NPAS3: variants seen among roughly 807,000 people sequenced by gnomAD.
NPAS3 encodes neuronal PAS domain protein 3, also known as neuronal PAS domain-containing protein 3.
In NPAS3, 14 loss-of-function variants were observed where a neutral mutation model predicts 73.1. The ratio of observed to expected loss-of-function variants is 0.19; its 90% CI spans 0.13 to 0.30. NPAS3 has a LOEUF of 0.30. Ranked by LOEUF, NPAS3 falls within the 10% of genes least tolerant of loss-of-function variation. NPAS3 has a pLI of 1.00. For missense variants in NPAS3, 1,096 were observed against 1,250.0 expected, an observed-to-expected ratio of 0.88 and a Z score of 1.86; for synonymous variants, 620 against 541.5, an observed-to-expected ratio of 1.14 and a Z score of -2.01.
At chr14:33,610,582 T>A (rs921865853) in intron 5 of NPAS3, among the ~76,000 whole-genome samples, 6 of 152,188 alleles carry the variant, frequency 3.9e-5, no homozygotes, top group African/African-American at 1.4e-4. Flanking sequence ...TTAAAAATTT[T>A]AAAAAATGAA....
chr14:32,983,495 T>A (rs1410970150), intron 1 of NPAS3, among the ~76,000 whole-genome samples: 1 of 152,154 alleles, frequency 6.6e-6, no homozygotes, highest in African/African-American at 2.4e-5. Context: ...CTCATTTTTG[T>A]TCCTCTAACA....
chr14:33,801,859 G>A (rs2063722460), downstream of NPAS3: 2 of 151,486 alleles, frequency 1.3e-5, no homozygotes, highest in Admixed American at 6.6e-5. Flanking sequence ...CTGGGTTTTG[G>A]GGGAAAAAAA....
At chr14:33,690,762 TTCA>T (rs1487169425) in intron 6 of NPAS3, among the ~76,000 whole-genome samples, 3 of 152,142 alleles carry the variant, frequency 2.0e-5, no homozygotes, top group East Asian at 3.9e-4. Context: ...TCTAATATTT[TTCA>T]TCATGTTTAC....
At chr14:33,107,999 G>A (rs1221461516) in intron 2 of NPAS3, among the ~76,000 whole-genome samples, 2 of 152,154 alleles carry the variant, frequency 1.3e-5, no homozygotes, top group East Asian at 1.9e-4. Flanking sequence ...TGCAATGAAA[G>A]AGGACTGTCC....
chr14:33,411,182 GT>G (rs1279879374), intron 4 of NPAS3, among the ~76,000 whole-genome samples: 1 of 151,914 alleles, frequency 6.6e-6, no homozygotes, highest in African/African-American at 2.4e-5. Flanking sequence ...GAGGCTTTTT[GT>G]TTTTTCGTTG....
rs1374926577 is a variant in NPAS3 at position 33,388,063 on chromosome 14, T to TAG, written c.468+20795_468+20796insAG. On this transcript the variant is annotated intron_variant, in intron 4 of 11. Coordinates refer to ENST00000356141, the Ensembl canonical transcript of NPAS3. Reference sequence around the variant, plus strand: ...TGACCTTGAGTAGGACCTTCACTGGTGAATGTGGTTTTACCAAGTAAAGAT... The same window carrying TAG: ...TGACCTTGAGTAGGACCTTCACTGGTAGGAATGTGGTTTTACCAAGTAAAGAT... Among the ~76,000 whole-genome samples the TAG allele has an allele frequency of 3.8e-4, 58 of 152,094 alleles. 1 individual carries two copies. Among genetic ancestry groups the TAG allele is most frequent in the African/African-American group, 9.9e-4 (41 of 41,506 alleles).
At chr14:33,150,174 C>G (rs189226889) in intron 2 of NPAS3, among the ~76,000 whole-genome samples, 1 of 152,254 alleles carries the variant, frequency 6.6e-6, no homozygotes, top group African/African-American at 2.4e-5. Flanking sequence ...ATCTTCTTTA[C>G]CCAGTCTATC....
At chr14:33,717,635 C>T (rs573920048) in intron 6 of NPAS3, among the ~76,000 whole-genome samples, 4 of 151,984 alleles carry the variant, frequency 2.6e-5, no homozygotes, top group African/African-American at 7.2e-5. Flanking sequence ...AAGGAAGGAC[C>T]GTGAAATATG....
intron 3 of NPAS3, among the ~76,000 whole-genome samples, chr14:33,228,963 C>G (rs1356983640): frequency 6.6e-6 from 1 of 152,020 alleles, no homozygotes; most frequent in Non-Finnish European, 1.5e-5. Context: ...GAAGTATTTG[C>G]CAGGTCTATA....
At position 33,282,851 on chromosome 14, in the gene NPAS3, G is replaced by A. The variant is rs2041685440; in HGVS notation, c.385+67425G>A. 2.0e-5 allele frequency among the ~76,000 whole-genome samples: 3 copies of A among 152,256 alleles called. No individual in the cohort carries two copies. The South Asian group carries it at 6.2e-4, about 32-fold the overall frequency. On this transcript the variant is annotated intron_variant, in intron 3 of 11. Coordinates refer to ENST00000356141, the Ensembl canonical transcript of NPAS3. ...TATGCAGACGGCTCTGATTTGTACT[G>A]TCTCATCATGAGAATCCCTTCCTAA...
chr14:33,332,491 T>C (rs1245375579), intron 3 of NPAS3, among the ~76,000 whole-genome samples: 1 of 152,162 alleles, frequency 6.6e-6, no homozygotes, highest in African/African-American at 2.4e-5. Context: ...TAGAGGACAG[T>C]GTGTTAGATG....
intron 1 of NPAS3, among the ~76,000 whole-genome samples, chr14:33,003,674 A>G (rs1489354755): frequency 1.3e-5 from 2 of 152,214 alleles, no homozygotes; most frequent in African/African-American, 4.8e-5. Flanking sequence ...TCACAGTGGA[A>G]GCTTTGCAAC....
intron 2 of NPAS3, among the ~76,000 whole-genome samples, chr14:33,093,518 G>T (rs1048180948): frequency 3.3e-5 from 5 of 152,210 alleles, no homozygotes; most frequent in African/African-American, 1.2e-4. Context: ...TACATTGTTG[G>T]TGGGAATGTA....
At chr14:33,526,922 G>T (rs569602288) in intron 4 of NPAS3, among the ~76,000 whole-genome samples, 1 of 152,060 alleles carries the variant, frequency 6.6e-6, no homozygotes, top group African/African-American at 2.4e-5. Flanking sequence ...ATGAGAACAA[G>T]GTCCTTTCAA....
intron 1 of NPAS3, among the ~76,000 whole-genome samples, chr14:32,959,757 T>A (rs973706054): frequency 2.0e-5 from 3 of 152,088 alleles, no homozygotes; most frequent in African/African-American, 7.2e-5. Flanking sequence ...GATTCCCGAG[T>A]ATTTTTGGGT....
intron 6 of NPAS3, among the ~76,000 whole-genome samples, chr14:33,684,550 G>T (rs768323020): frequency 5.9e-5 from 9 of 152,034 alleles, no homozygotes; most frequent in African/African-American, 2.2e-4. Context: ...TGCCCGCCTC[G>T]GCCTCCCAAA....
At chr14:33,676,871 A>G (rs7153698) in intron 6 of NPAS3, among the ~76,000 whole-genome samples, 2,263 of 152,312 alleles carry the variant, frequency 0.015, 60 homozygotes, top group African/African-American at 0.052. Flanking sequence ...ATTAAGGCTA[A>G]AAAGAAAACA....
At chr14:33,177,260 C>A (rs2045627765) in intron 2 of NPAS3, among the ~76,000 whole-genome samples, 1 of 151,682 alleles carries the variant, frequency 6.6e-6, no homozygotes, top group Admixed American at 6.6e-5. Context: ...CCATGTCCGG[C>A]TAATTTTTTG....
chr14:33,073,466 A>G (rs949754974), intron 2 of NPAS3, among the ~76,000 whole-genome samples: 3 of 152,144 alleles, frequency 2.0e-5, no homozygotes, highest in Non-Finnish European at 2.9e-5. Flanking sequence ...TGCTTTTTAT[A>G]CAAGATGGGA....
Sources: gnomAD v4.1 joint callset for allele counts (sites outside exome capture counted in the v4.1 genomes callset) on GRCh38, gnomAD v4.1.1 for gene constraint, MANE v1.5 for transcripts, NCBI Gene and HGNC (gene_info 2026-07-23, HGNC 2026-07-21) for gene names.